Variants in ZNF695 observed in about 807,000 individuals in gnomAD.
The protein encoded by ZNF695 is zinc finger protein 695.
In ZNF695, 11 loss-of-function variants were observed where a neutral mutation model predicts 11.2. The observed-to-expected ratio is 0.98, with a 90% CI of 0.62 to 1.62. The LOEUF is 1.62. ZNF695 is among the 40% of genes most tolerant of loss of function. The pLI, the probability that ZNF695 is intolerant of heterozygous loss-of-function variation, is 0.00. For synonymous variants in ZNF695, 190 were observed against 201.4 expected (o/e 0.94, Z 0.48); for missense variants, 559 against 590.5 (o/e 0.95, Z 0.55).
intron 4 of ZNF695, among the ~76,000 whole-genome samples, chr1:246,975,202 T>A (rs1668526425): frequency 6.6e-6 from 1 of 152,234 alleles, no homozygotes; most frequent in African/African-American, 2.4e-5. Context: ...TTAAGACAGA[T>A]TTTATGACAG....
chr1:246,990,837 A>C (rs1277358470), intron 3 of ZNF695, among the ~76,000 whole-genome samples: 1 of 152,258 alleles, frequency 6.6e-6, no homozygotes, highest in Non-Finnish European at 1.5e-5. Context: ...CATGGAAATT[A>C]AACAATACGC....
Position 246,974,153 on chromosome 1 carries a change from CAAACAAACAAAAAA to C in ZNF695, c.391-6375_391-6362del, listed in dbSNP as rs1432449588. On this transcript the variant is annotated intron_variant, in intron 4 of 5. Coordinates refer to the ZNF695 transcript ENST00000487338. Reference sequence around the variant, plus strand: ...TAGCTTATTTGGAATAAAAAACAAACAAACAAACAAAAAAAAACAAACAAAAAACAACAACAAAA... The same window carrying C: ...TAGCTTATTTGGAATAAAAAACAAACAAACAAACAAAAAACAACAACAAAA... Among the ~76,000 whole-genome samples, 79 of 143,524 alleles carry C rather than the reference CAAACAAACAAAAAA, an allele frequency of 5.5e-4. 2 individuals are homozygous for C. Among genetic ancestry groups the C allele is most frequent in the Non-Finnish European group, 8.8e-4 (59 of 66,724 alleles). 94.2% of individuals were successfully genotyped at this position (143,524 alleles called of 152,430 possible).
chr1:246,988,390 T>C lies in ZNF695; in HGVS notation c.260-135A>G, dbSNP rs1572526501. 6 of 641,222 alleles carry C rather than the reference T, an allele frequency of 9.4e-6. No homozygotes were observed. In the East Asian group the frequency reaches 1.9e-4, roughly 20 times the overall value. The allele number at this position is 641,222 out of a possible 1,614,324, so 39.7% of individuals were successfully genotyped here. ...ACAGGCCCTTATTCCTTCATAGTCA[T>C]AATCCTAACAAAAATATACTAAGCA... On this transcript the variant is annotated intron_variant, in intron 3 of 3. Coordinates refer to ENST00000339986, the MANE Select transcript of ZNF695 (RefSeq NM_020394.5).
chr1:246,988,284 C>T, intron 3 of ZNF695, 29 bp from the exon 4 acceptor site: 1 of 1,487,766 alleles, frequency 6.7e-7, no homozygotes, highest in Non-Finnish European at 9.0e-7. Flanking sequence ...ACAAATTATT[C>T]CACTTACTAG....
rs1349570107 is a variant in ZNF695 at position 246,955,067 on chromosome 1, G to T, written c.489-9240C>A. 2.0e-5 allele frequency among the ~76,000 whole-genome samples: 3 copies of T among 152,122 alleles called. No homozygotes were observed. In the East Asian group the frequency reaches 5.8e-4, roughly 29 times the overall value. Reference sequence around the variant, plus strand: ...TCATAGGGGGAGTTTTTCCCATACAGTTCTCACGACAGTGAATAAGTCTGC... The same window carrying T: ...TCATAGGGGGAGTTTTTCCCATACATTTCTCACGACAGTGAATAAGTCTGC... On this transcript the variant is annotated intron_variant, in intron 5 of 5. Transcript: ENST00000487338.
At chr1:246,980,177 T>TA (rs1668670104) in intron 4 of ZNF695, among the ~76,000 whole-genome samples, 2 of 129,494 alleles carry the variant, frequency 1.5e-5, no homozygotes, top group East Asian at 2.1e-4. Context: ...GACTCTGTAT[T>TA]TAAAAAAAAA....
At chr1:246,949,731 C>T (rs1454216486) in intron 5 of ZNF695, among the ~76,000 whole-genome samples, 5 of 152,290 alleles carry the variant, frequency 3.3e-5, no homozygotes, top group Admixed American at 2.6e-4. Flanking sequence ...TACTTCCCCA[C>T]GCCTTCTTGT....
At chr1:246,948,867 T>G (rs1467703936) in intron 5 of ZNF695, among the ~76,000 whole-genome samples, 2 of 152,162 alleles carry the variant, frequency 1.3e-5, no homozygotes, top group Non-Finnish European at 2.9e-5. Context: ...TAAGCATCTA[T>G]TCCCTCATCT....
At chr1:246,984,898 A>G (rs1217615118), downstream of ZNF695, among the ~76,000 whole-genome samples, 1 of 152,218 alleles carries the variant, frequency 6.6e-6, no homozygotes, top group East Asian at 1.9e-4. Context: ...TGGAACAAGA[A>G]AATTATACGT....
At chr1:246,976,603 G>T (rs1347200594) in intron 4 of ZNF695, among the ~76,000 whole-genome samples, 3 of 151,576 alleles carry the variant, frequency 2.0e-5, no homozygotes, top group Admixed American at 6.6e-5. Context: ...GACCATCCTG[G>T]CTAACACGGT....
intron 3 of ZNF695, among the ~76,000 whole-genome samples, chr1:246,997,574 C>A (rs2103029982): frequency 6.6e-6 from 1 of 151,808 alleles, no homozygotes; most frequent in Admixed American, 6.6e-5. Context: ...TGTGTAAAAT[C>A]AATAGAAATA....
At chr1:246,953,023 T>A (rs1487855748) in intron 5 of ZNF695, among the ~76,000 whole-genome samples, 1 of 152,102 alleles carries the variant, frequency 6.6e-6, no homozygotes, top group African/African-American at 2.4e-5. Context: ...TAGAAGGGCA[T>A]GTCCACCCCA....
intron 5 of ZNF695, among the ~76,000 whole-genome samples, chr1:246,956,412 T>C (rs1400611526): frequency 6.6e-6 from 1 of 150,916 alleles, no homozygotes; most frequent in Non-Finnish European, 1.5e-5. Context: ...GGTCAGGAGT[T>C]TGAGACCAGC....
At chr1:246,947,065 G>A (rs536575239) in intron 5 of ZNF695, among the ~76,000 whole-genome samples, 9 of 151,428 alleles carry the variant, frequency 5.9e-5, no homozygotes, top group African/African-American at 1.9e-4. Context: ...GCATGAACTC[G>A]GGAGGTGGAG....
Position 246,987,330 on chromosome 1 carries a change from A to G in ZNF695, c.1185T>C (p.Leu395=). ...CAGTATGAATTCTCTTATGCTGAAT[A>G]AGGTATGAGAACCAGGTAAAAGCTT... is the stretch of plus-strand genomic sequence containing the variant. The part of the protein sequence containing the change: ...CGKAFTWFSY[L]IQHKRIHTGQ... The change falls in exon 4 of 4, where the codon CTT becomes CTC. Residue 395 remains leucine (L), a synonymous_variant. Coordinates refer to ENST00000339986, the MANE Select transcript of ZNF695 (RefSeq NM_020394.5). The G allele has an allele frequency of 6.2e-7, 1 of 1,613,660 alleles. No individual in the cohort carries two copies. Among genetic ancestry groups the G allele is most frequent in the Non-Finnish European group, 8.5e-7 (1 of 1,179,926 alleles).
Position 246,986,999 on chromosome 1 carries a change from G to A in ZNF695, c.1516C>T (p.Gln506Ter), listed in dbSNP as rs1668869538. 3 of 1,602,008 alleles carry A rather than the reference G, an allele frequency of 1.9e-6. No homozygotes were observed. Among genetic ancestry groups the A allele is most frequent in the Non-Finnish European group, 2.6e-6 (3 of 1,175,412 alleles). Reference protein sequence around the residue: ...ECGKAFNHSAQLAVHEKTHT With the variant: ...ECGKAFNHSA ...TGAGTTTTCTCATGTACAGCAAGTT[G>A]TGCAGAGTGGTTAAAGGCTTTGCCA... Residue 506 changes from glutamine (Q) to a stop codon, truncating the protein, a stop_gained, in exon 4 of 4, where the codon CAA becomes TAA. Coordinates refer to ENST00000339986, the MANE Select transcript of ZNF695 (RefSeq NM_020394.5). LOFTEE classifies it low-confidence loss of function (END_TRUNC).
chr1:246,975,622 T>C (rs1668537842), intron 4 of ZNF695, among the ~76,000 whole-genome samples: 1 of 152,178 alleles, frequency 6.6e-6, no homozygotes, highest in Non-Finnish European at 1.5e-5. Flanking sequence ...ACATGAAAGT[T>C]CAGAGTTTGG....
intron 4 of ZNF695, among the ~76,000 whole-genome samples, chr1:246,979,283 G>C (rs1668644279): frequency 6.6e-6 from 1 of 152,132 alleles, no homozygotes; most frequent in Non-Finnish European, 1.5e-5. Context: ...TGACATGGGG[G>C]AAGATGTGGA....
intron 5 of ZNF695, among the ~76,000 whole-genome samples, chr1:246,965,096 G>A (rs1057296095): frequency 3.3e-5 from 5 of 151,658 alleles, no homozygotes; most frequent in Non-Finnish European, 7.4e-5. Flanking sequence ...GGCCGGGCAC[G>A]GTGGTTCACG....
Sources: allele counts gnomAD v4.1 joint callset (sites outside exome capture counted in the v4.1 genomes callset), GRCh38; gene constraint gnomAD v4.1.1; transcripts MANE v1.5; gene names NCBI Gene and HGNC (gene_info 2026-07-23, HGNC 2026-07-21).